The following SAMD4A variants were observed in gnomAD, a reference collection of about 807,000 sequenced individuals.
The protein encoded by SAMD4A is protein Smaug homolog 1.
Under a neutral mutation model 81.3 loss-of-function variants are expected in SAMD4A, and 33 were observed. The ratio of observed to expected loss-of-function variants is 0.41; its 90% CI spans 0.31 to 0.54. The LOEUF (loss-of-function observed/expected upper bound fraction) is 0.54, where lower values mean the gene tolerates loss of function less well. SAMD4A is among the 20% of genes least tolerant of loss of function. The pLI, the probability that SAMD4A is intolerant of heterozygous loss-of-function variation, is 0.37. For missense variants in SAMD4A, 854 were observed against 951.1 expected, an observed-to-expected ratio of 0.90 and a Z score of 1.34; for synonymous variants, 389 against 382.1, an observed-to-expected ratio of 1.02 and a Z score of -0.21.
intron 2 of SAMD4A, among the ~76,000 whole-genome samples, chr14:54,620,519 G>T (rs2034591089): frequency 6.6e-6 from 1 of 152,178 alleles, no homozygotes; most frequent in Admixed American, 6.5e-5. Context: ...TGAGGCAAAT[G>T]ATAATAAATG....
At chr14:54,692,789 G>A (rs1327550578) in intron 2 of SAMD4A, among the ~76,000 whole-genome samples, 8 of 151,548 alleles carry the variant, frequency 5.3e-5, no homozygotes, top group East Asian at 1.9e-4. Context: ...TGTGTTTGTC[G>A]AGTGAGGTAA....
At chr14:54,756,780 G>A (rs1443232133) in intron 6 of SAMD4A, among the ~76,000 whole-genome samples, 1 of 152,214 alleles carries the variant, frequency 6.6e-6, no homozygotes, top group Non-Finnish European at 1.5e-5. Flanking sequence ...ATATGCCCAG[G>A]AAAGGCACTG....
At chr14:54,696,706 C>T (rs754541289) in intron 2 of SAMD4A, 14 of 152,212 alleles carry the variant, frequency 9.2e-5, no homozygotes, top group Non-Finnish European at 1.9e-4. Flanking sequence ...GTTTCCTAAT[C>T]CTCATGGTCT....
At chr14:54,734,857 C>T (rs563017533) in intron 3 of SAMD4A, 1 of 152,302 alleles carries the variant, frequency 6.6e-6, no homozygotes, top group South Asian at 2.1e-4. Flanking sequence ...CAGTTATGGC[C>T]TCTAACCAGC....
intron 3 of SAMD4A, among the ~76,000 whole-genome samples, chr14:54,715,283 T>A (rs2037090649): frequency 6.6e-6 from 1 of 152,136 alleles, no homozygotes; most frequent in Non-Finnish European, 1.5e-5. Flanking sequence ...TTTATGAAAG[T>A]TTGGGGTTGG....
chr14:54,664,349 G>A (rs990583349), intron 2 of SAMD4A, among the ~76,000 whole-genome samples: 1 of 152,178 alleles, frequency 6.6e-6, no homozygotes, highest in Non-Finnish European at 1.5e-5. Context: ...TTTGGATTAA[G>A]GATGTCTTTT....
chr14:54,755,665 G>A lies in SAMD4A; in HGVS notation c.1176+4128G>A, dbSNP rs145056700. ...TGATGATAGGAGTTTTAGGGGAATGGGAGGAAACAGAAGCAGAAGCCTGTA... is the reference window on the plus strand; with the variant it reads ...TGATGATAGGAGTTTTAGGGGAATGAGAGGAAACAGAAGCAGAAGCCTGTA... On this transcript the variant is annotated intron_variant, in intron 6 of 12. Coordinates refer to ENST00000554335, the MANE Select transcript of SAMD4A (RefSeq NM_015589.6). Among the ~76,000 whole-genome samples, 572 of 152,266 alleles carry A rather than the reference G, an allele frequency of 3.8e-3. 4 individuals carry two copies. Among genetic ancestry groups the A allele is most frequent in the African/African-American group, 0.014 (561 of 41,540 alleles).
chr14:54,687,128 A>C (rs2036293535), intron 2 of SAMD4A, among the ~76,000 whole-genome samples: 1 of 152,238 alleles, frequency 6.6e-6, no homozygotes, highest in South Asian at 2.1e-4. Context: ...CCTCAAGGTC[A>C]AGACATACAG....
chr14:54,741,053 T>C (rs2037832372), intron 4 of SAMD4A, among the ~76,000 whole-genome samples: 1 of 152,250 alleles, frequency 6.6e-6, no homozygotes, highest in African/African-American at 2.4e-5. Context: ...TATACATGTT[T>C]GGACTAAGGA....
intron 2 of SAMD4A, among the ~76,000 whole-genome samples, chr14:54,689,186 G>C (rs2036364846): frequency 6.6e-6 from 1 of 152,088 alleles, no homozygotes; most frequent in Admixed American, 6.5e-5. Context: ...ACCCACCTCA[G>C]CCTCCCAAAG....
chr14:54,579,690 A>G (rs2033410387), intron 2 of SAMD4A, among the ~76,000 whole-genome samples: 1 of 152,180 alleles, frequency 6.6e-6, no homozygotes, highest in African/African-American at 2.4e-5. Flanking sequence ...GCATTGATTT[A>G]AACATCTCTC....
At chr14:54,706,070 A>G (rs941522464) in intron 3 of SAMD4A, among the ~76,000 whole-genome samples, 44 of 152,228 alleles carry the variant, frequency 2.9e-4, no homozygotes, top group African/African-American at 1.1e-3. Flanking sequence ...CCTTTGGGCC[A>G]GGTACAGTGG....
At chr14:54,606,140 G>C (rs139751277) in intron 2 of SAMD4A, among the ~76,000 whole-genome samples, 3 of 151,894 alleles carry the variant, frequency 2.0e-5, no homozygotes, top group African/African-American at 7.3e-5. Flanking sequence ...TGTCATTTCT[G>C]TTACAAGGAA....
intron 8 of SAMD4A, among the ~76,000 whole-genome samples, chr14:54,765,467 A>G (rs1308292150): frequency 6.6e-6 from 1 of 151,040 alleles, no homozygotes; most frequent in Non-Finnish European, 1.5e-5. Flanking sequence ...TACGAAAAAA[A>G]AAAAAAAAAG....
intron 2 of SAMD4A, among the ~76,000 whole-genome samples, chr14:54,617,697 TCA>T (rs2034522792): frequency 6.6e-6 from 1 of 152,246 alleles, no homozygotes; most frequent in Non-Finnish European, 1.5e-5. Context: ...CTGCCACTAC[TCA>T]CACTACAGAA....
At chr14:54,727,530 C>G (rs2037455539) in intron 3 of SAMD4A, among the ~76,000 whole-genome samples, 1 of 151,956 alleles carries the variant, frequency 6.6e-6, no homozygotes, top group African/African-American at 2.4e-5. Context: ...ACAGAAAGCA[C>G]AACAATGTGA....
intron 2 of SAMD4A, among the ~76,000 whole-genome samples, chr14:54,600,504 A>G (rs2034024496): frequency 6.6e-6 from 1 of 152,200 alleles, no homozygotes; most frequent in South Asian, 2.1e-4. Flanking sequence ...TTCTACTGGA[A>G]CTACACTGCA....
chr14:54,664,231 G>A (rs888519322), intron 2 of SAMD4A, among the ~76,000 whole-genome samples: 14 of 151,922 alleles, frequency 9.2e-5, no homozygotes, highest in Admixed American at 2.0e-4. Context: ...CAAATTTCCT[G>A]GTTTATACAG....
chr14:54,677,023 T>G (rs2036007743), intron 2 of SAMD4A, among the ~76,000 whole-genome samples: 1 of 152,270 alleles, frequency 6.6e-6, no homozygotes, highest in African/African-American at 2.4e-5. Flanking sequence ...GCCTGAATTC[T>G]GGCCATGTGT....
Sources: allele counts gnomAD v4.1 joint callset (sites outside exome capture counted in the v4.1 genomes callset), GRCh38; gene constraint gnomAD v4.1.1; transcripts MANE v1.5; gene names NCBI Gene and HGNC (gene_info 2026-07-23, HGNC 2026-07-21).